Variants in PCDH9 observed in about 807,000 individuals in gnomAD.
The protein encoded by PCDH9 is protocadherin-9.
In PCDH9, 24 loss-of-function variants were observed where a neutral mutation model predicts 70.6. That is an observed-to-expected ratio of 0.34 (90% confidence interval 0.25 to 0.48). The LOEUF (loss-of-function observed/expected upper bound fraction) is 0.48. Ranked by LOEUF, PCDH9 falls within the 20% of genes least tolerant of loss-of-function variation. The probability of loss-of-function intolerance (pLI) is 0.99; values close to 1 mark genes in which losing one functional copy is unlikely to be tolerated. For missense variants in PCDH9, 1,281 were observed against 1,503.6 expected (o/e 0.85, Z 2.45); for synonymous variants, 562 against 558.5 (o/e 1.01, Z -0.09).
intron 2 of PCDH9, among the ~76,000 whole-genome samples, chr13:67,059,621 C>G (rs1017743076): frequency 6.6e-6 from 1 of 151,208 alleles, no homozygotes; most frequent in African/African-American, 2.4e-5. Context: ...GCTCAAGTGT[C>G]CTTTCAAGAC....
intron 2 of PCDH9, among the ~76,000 whole-genome samples, chr13:66,939,960 A>G (rs1442119644): frequency 6.6e-6 from 1 of 152,176 alleles, no homozygotes; most frequent in Non-Finnish European, 1.5e-5. Flanking sequence ...TGTTTTATAT[A>G]TTCTGTAAAA....
chr13:66,624,775 A>G (rs113503219), intron 4 of PCDH9, among the ~76,000 whole-genome samples: 1,867 of 152,320 alleles, frequency 0.012, 37 homozygotes, highest in African/African-American at 0.042. Flanking sequence ...CTTGCTATAT[A>G]CAAAAACATC....
intron 3 of PCDH9, among the ~76,000 whole-genome samples, chr13:66,646,312 C>A (rs931384275): frequency 4.6e-5 from 7 of 152,128 alleles, no homozygotes; most frequent in African/African-American, 1.7e-4. Context: ...TTTCAGATTT[C>A]TTAATATAGC....
chr13:66,786,760 C>T (rs1454927485), intron 3 of PCDH9, among the ~76,000 whole-genome samples: 3 of 151,878 alleles, frequency 2.0e-5, no homozygotes, highest in Admixed American at 6.6e-5. Flanking sequence ...CCTTGGAAGC[C>T]CTGACAATTA....
chr13:67,073,391 G>A (rs1187707397), intron 2 of PCDH9, among the ~76,000 whole-genome samples: 1 of 151,994 alleles, frequency 6.6e-6, no homozygotes, highest in Admixed American at 6.6e-5. Flanking sequence ...TCATCAGAAA[G>A]GGAGGGTTTA....
intron 2 of PCDH9, among the ~76,000 whole-genome samples, chr13:66,939,677 CA>C (rs753681982): frequency 2.5e-4 from 38 of 152,182 alleles, no homozygotes; most frequent in Non-Finnish European, 5.0e-4. Flanking sequence ...CTCAGCCTCC[CA>C]AAGTGCTGGA....
rs1263670960 is a variant in PCDH9 at position 66,601,801 on chromosome 13, C to T, written c.3340+29409G>A. Among the ~76,000 whole-genome samples, 3 of 145,304 alleles carry T rather than the reference C, an allele frequency of 2.1e-5. 1 individual carries two copies. The highest frequency in any genetic ancestry group is 4.6e-5 in the Non-Finnish European group (3 of 64,672). ...CTATTGCTGCCTAGTGATGTCATGG[C>T]CATAATAATGTCATGTAAGGCATTA... On this transcript the variant is annotated intron_variant, in intron 4 of 4. Transcript: ENST00000377865.
chr13:66,710,055 A>G (rs575467010), intron 3 of PCDH9, among the ~76,000 whole-genome samples: 3 of 152,278 alleles, frequency 2.0e-5, no homozygotes, highest in Non-Finnish European at 4.4e-5. Flanking sequence ...TATGTCAGCT[A>G]TTAAGAGAAG....
At chr13:66,627,984 T>C (rs1566466331) in intron 4 of PCDH9, among the ~76,000 whole-genome samples, 1 of 152,238 alleles carries the variant, frequency 6.6e-6, no homozygotes, top group Non-Finnish European at 1.5e-5. Context: ...AGTTTAAGCA[T>C]ACTTTAAAAG....
At chr13:66,419,124 G>A (rs758575932) in intron 4 of PCDH9, among the ~76,000 whole-genome samples, 2 of 151,948 alleles carry the variant, frequency 1.3e-5, no homozygotes, top group Non-Finnish European at 2.9e-5. Context: ...AAAAGCCCAG[G>A]ACCAGACGGA....
intron 4 of PCDH9, among the ~76,000 whole-genome samples, chr13:66,458,729 G>T (rs571103627): frequency 2.0e-5 from 3 of 152,086 alleles, no homozygotes; most frequent in African/African-American, 7.2e-5. Context: ...GGTGACATTC[G>T]AAGAGTCCAA....
chr13:66,871,642 C>T (rs1304851786), intron 3 of PCDH9, among the ~76,000 whole-genome samples: 2 of 151,756 alleles, frequency 1.3e-5, no homozygotes, highest in Admixed American at 6.6e-5. Context: ...TGTATTAATC[C>T]CTCTATCAAT....
intron 2 of PCDH9, among the ~76,000 whole-genome samples, chr13:66,994,214 G>T (rs1028407811): frequency 2.0e-5 from 3 of 152,162 alleles, no homozygotes; most frequent in African/African-American, 7.2e-5. Context: ...CTCCAAGAGA[G>T]AGTGATGAAA....
chr13:66,438,284 A>G (rs1957913420), intron 4 of PCDH9, among the ~76,000 whole-genome samples: 1 of 151,912 alleles, frequency 6.6e-6, no homozygotes, highest in Admixed American at 6.6e-5. Context: ...TAACTCTATT[A>G]TAATATTACA....
At chr13:66,416,407 C>A (rs1381155599) in intron 4 of PCDH9, among the ~76,000 whole-genome samples, 1 of 151,884 alleles carries the variant, frequency 6.6e-6, no homozygotes, top group African/African-American at 2.4e-5. Context: ...AGGACCCCAA[C>A]AGCCGACCAT....
At chr13:66,353,130 C>G (rs895654988) in intron 4 of PCDH9, among the ~76,000 whole-genome samples, 3 of 152,154 alleles carry the variant, frequency 2.0e-5, no homozygotes, top group Non-Finnish European at 2.9e-5. Context: ...TTACCTTCCC[C>G]TCTTTTGATT....
intron 3 of PCDH9, among the ~76,000 whole-genome samples, chr13:66,781,903 G>A (rs963460197): frequency 2.0e-5 from 3 of 151,738 alleles, no homozygotes; most frequent in Non-Finnish European, 2.9e-5. Context: ...AAAGCCTCTA[G>A]GCACTCTGAA....
intron 2 of PCDH9, among the ~76,000 whole-genome samples, chr13:67,044,840 T>A (rs1049075811): frequency 2.0e-5 from 3 of 151,538 alleles, no homozygotes; most frequent in African/African-American, 7.3e-5. Context: ...TGGGAAGGAG[T>A]AGAGAAGAGG....
intron 2 of PCDH9, among the ~76,000 whole-genome samples, chr13:66,984,109 T>C (rs1448160495): frequency 1.3e-5 from 2 of 152,102 alleles, no homozygotes; most frequent in Admixed American, 6.6e-5. Flanking sequence ...AATTATAACA[T>C]TCACAATTTT....
Sources: gnomAD v4.1 joint callset for allele counts (sites outside exome capture counted in the v4.1 genomes callset) on GRCh38, gnomAD v4.1.1 for gene constraint, MANE v1.5 for transcripts, NCBI Gene and HGNC (gene_info 2026-07-23, HGNC 2026-07-21) for gene names.